SLC19A1: variants seen among roughly 807,000 people sequenced by gnomAD.
The protein encoded by SLC19A1 is reduced folate transporter.
A neutral mutation model predicts 35.3 loss-of-function variants in SLC19A1; 37 were observed. That is an observed-to-expected ratio of 1.05 (90% CI 0.81 to 1.38). SLC19A1 has a LOEUF of 1.38. Among genes scored for constraint, SLC19A1 ranks in the 40% most tolerant of loss-of-function variants. The pLI is 0.00. For missense variants in SLC19A1, 831 were observed against 826.9 expected, an observed-to-expected ratio of 1.00 and a Z score of -0.06; for synonymous variants, 460 against 398.5, an observed-to-expected ratio of 1.15 and a Z score of -1.84.
At chr21:45,508,529 G>A (rs551959195), downstream of SLC19A1, among the ~76,000 whole-genome samples, 44 of 152,184 alleles carry the variant, frequency 2.9e-4, no homozygotes, top group Non-Finnish European at 4.7e-4. Context: ...TGGATGGGTG[G>A]GTGGATGGAT....
intron 5 of SLC19A1, among the ~76,000 whole-genome samples, chr21:45,520,784 G>A (rs1211964722): frequency 1.3e-5 from 2 of 152,320 alleles, no homozygotes; most frequent in East Asian, 1.9e-4. Flanking sequence ...ACTTTGGGAG[G>A]CTGAGGCGGG....
At position 45,513,356 on chromosome 21, in the gene SLC19A1, G is replaced by A. The variant is rs2037719408; in HGVS notation, c.*2302C>T. Reference sequence around the variant, plus strand: ...GGGCTGTCATCTGTGCACTGCCCATGGACAGGCTGGCTCCAGATGCAGGGC... The same window carrying A: ...GGGCTGTCATCTGTGCACTGCCCATAGACAGGCTGGCTCCAGATGCAGGGC... On this transcript the variant is annotated 3_prime_UTR_variant, in exon 6 of 6. Transcript: ENST00000311124. The A allele has an allele frequency of 6.6e-6, 1 of 152,326 alleles. No homozygotes were observed. Among genetic ancestry groups the A allele is most frequent in the Non-Finnish European group, 1.5e-5 (1 of 68,100 alleles). 9.4% of individuals were successfully genotyped at this position (152,326 alleles called of 1,614,324 possible).
At chr21:45,545,626 T>C (rs1374300730), upstream of SLC19A1, among the ~76,000 whole-genome samples, 1 of 150,404 alleles carries the variant, frequency 6.6e-6, no homozygotes, top group Non-Finnish European at 1.5e-5. Flanking sequence ...CCAAGACATA[T>C]GCACAGATAC....
At chr21:45,542,476 G>A (rs2078343861), upstream of SLC19A1, 1 of 150,838 alleles carries the variant, frequency 6.6e-6, no homozygotes, top group Non-Finnish European at 1.5e-5. Flanking sequence ...GCGGCTGCGG[G>A]GTGGGCGGGT....
rs755992277 is a variant in SLC19A1 at position 45,515,630 on chromosome 21, G to A, written c.*28C>T. The stretch of plus-strand genomic sequence containing the variant: ...CGTGGGGATGCACTGAGGGCCGCCT[G>A]CAAAGTTACCACAGGGGCGCCCGAG... On this transcript the variant is annotated 3_prime_UTR_variant, in exon 6 of 6. Coordinates refer to ENST00000311124, the MANE Select transcript of SLC19A1 (RefSeq NM_194255.4). 5 of 1,612,306 alleles carry A rather than the reference G, an allele frequency of 3.1e-6. No individual in the cohort carries two copies. In the Admixed American group the frequency reaches 8.3e-5, roughly 27 times the overall value.
chr21:45,523,829 G>T (rs2077511425), intron 5 of SLC19A1, among the ~76,000 whole-genome samples: 1 of 152,212 alleles, frequency 6.6e-6, no homozygotes, highest in Non-Finnish European at 1.5e-5. Flanking sequence ...GCTGTCTGGG[G>T]ACAGAGGTAA....
chr21:45,509,378 A>T, downstream of SLC19A1: 1 of 1,543,074 alleles, frequency 6.5e-7, no homozygotes. Flanking sequence ...GCCGCCTTGC[A>T]GCCCCCCGTG....
chr21:45,550,416 C>T (rs932251335), intron 1 of SLC19A1, among the ~76,000 whole-genome samples: 1 of 152,220 alleles, frequency 6.6e-6, no homozygotes, highest in Non-Finnish European at 1.5e-5. Flanking sequence ...GGCCACCTGC[C>T]ACCCCGTCCA....
intron 1 of SLC19A1, among the ~76,000 whole-genome samples, chr21:45,552,680 G>A (rs1160320038): frequency 6.7e-6 from 1 of 148,698 alleles, no homozygotes; most frequent in Non-Finnish European, 1.5e-5. Context: ...TCAGCGAAGT[G>A]GAGCGGGTCT....
chr21:45,506,620 T>G (rs1602626177), intron 3 of SLC19A1: 1 of 173,950 alleles, frequency 5.7e-6, no homozygotes, highest in Non-Finnish European at 1.3e-5. Flanking sequence ...TGAGGACGGG[T>G]AGAAGCCCCA....
chr21:45,549,993 C>T (rs929716485), intron 1 of SLC19A1, among the ~76,000 whole-genome samples: 1 of 152,064 alleles, frequency 6.6e-6, no homozygotes, highest in Non-Finnish European at 1.5e-5. Flanking sequence ...GGCTGCAGAG[C>T]CCCGAACTCT....
At chr21:45,519,658 G>A (rs1602713444) in intron 5 of SLC19A1, among the ~76,000 whole-genome samples, 4 of 150,574 alleles carry the variant, frequency 2.7e-5, no homozygotes, top group Admixed American at 2.6e-4. Flanking sequence ...ATTGACAAGA[G>A]GGTCAGTCCA....
In SLC19A1 at chr21:45,504,607, A is replaced by G. The variant is rs1402498099; in HGVS notation, c.498-5995T>C. The G allele has an allele frequency of 4.6e-6, 7 of 1,511,060 alleles. No homozygotes were observed. In the South Asian group the frequency reaches 7.2e-5, roughly 15 times the overall value. 93.6% of individuals were successfully genotyped at this position (1,511,060 alleles called of 1,614,324 possible). ...GCCCATGTCCCAGGGGTCTGGGTGC[A>G]GGAGCCGAGGGCAGGTCCAGCCCGG... On this transcript the variant is annotated intron_variant, in intron 3 of 4. Coordinates refer to the SLC19A1 transcript ENST00000417954.
chr21:45,530,767 C>G lies in SLC19A1; in HGVS notation c.1151+3G>C, dbSNP rs1408737201. On this transcript the variant is annotated splice_donor_region_variant and intron_variant, in intron 4 of 5. Transcript: ENST00000311124. This position sits in a 1 kb window ranked among gnomAD's most constrained non-coding sequence, Gnocchi z 5.3. ...CCCGGCTTCCCACCCTTCTGGAACTCACGTGGCGATGGGCACGAGGAACTG... is the reference window on the plus strand; with the variant it reads ...CCCGGCTTCCCACCCTTCTGGAACTGACGTGGCGATGGGCACGAGGAACTG... 3 of 1,554,240 alleles carry G rather than the reference C, an allele frequency of 1.9e-6. No homozygotes were observed. In the East Asian group the frequency reaches 7.2e-5, roughly 37 times the overall value.
chr21:45,536,284 AC>A (rs1211454761), intron 2 of SLC19A1: 4 of 153,676 alleles, frequency 2.6e-5, no homozygotes, highest in African/African-American at 7.2e-5. Context: ...TGCTCTAGAG[AC>A]TTTTCTTATT....
At chr21:45,547,253 C>CT (rs1377036310), upstream of SLC19A1, among the ~76,000 whole-genome samples, 1 of 152,152 alleles carries the variant, frequency 6.6e-6, no homozygotes, top group Non-Finnish European at 1.5e-5. Context: ...ATGGGGGAGA[C>CT]AGACCTTGTT....
rs200599378 is a variant in SLC19A1, at chr21:45,530,860, G to A, written c.1061C>T (p.Ala354Val). 49 of 1,493,404 alleles carry A rather than the reference G, an allele frequency of 3.3e-5. No homozygotes were observed. The highest frequency in any genetic ancestry group is 4.1e-5 in the Non-Finnish European group (46 of 1,121,486). 92.5% of individuals were successfully genotyped at this position (1,493,404 alleles called of 1,614,324 possible). A position where few individuals can be genotyped will look rare whatever the true frequency, so the allele number is the denominator to read the frequency against. Residue 354 changes from alanine (A) to valine (V), a missense_variant, in exon 4 of 6, where the codon GCG (alanine) becomes GTG (valine). Transcript: ENST00000311124. The surrounding 1 kb of genome is among the most constrained non-coding windows in gnomAD (Gnocchi z 5.3). Reference protein sequence around the residue: ...ATQAGLVFLLAHTRHPSSIWL... With the variant: ...ATQAGLVFLLVHTRHPSSIWL... Reference sequence around the variant, plus strand: ...GATGCTGCTCGGGTGGCGCGTGTGCGCCAGAAGGAAGACCAGCCCCGCCTG... The same window carrying A: ...GATGCTGCTCGGGTGGCGCGTGTGCACCAGAAGGAAGACCAGCCCCGCCTG...
chr21:45,528,043 G>A (rs1207639919), intron 4 of SLC19A1, among the ~76,000 whole-genome samples: 4 of 151,956 alleles, frequency 2.6e-5, no homozygotes, highest in Non-Finnish European at 5.9e-5. Context: ...GGGCAGAGGT[G>A]TCTGTGCTGC....
downstream of SLC19A1, among the ~76,000 whole-genome samples, chr21:45,510,946 C>CCCACACAT (rs149520091): frequency 5.2e-5 from 3 of 57,382 alleles, no homozygotes; most frequent in Non-Finnish European, 9.2e-5. Flanking sequence ...AAAACACACA[C>CCCACACAT]CCACAACACC....
Sources: allele counts gnomAD v4.1 joint callset (sites outside exome capture counted in the v4.1 genomes callset), GRCh38; gene constraint gnomAD v4.1.1; non-coding constraint Gnocchi (gnomAD v3.1); transcripts MANE v1.5; gene names NCBI Gene and HGNC (gene_info 2026-07-23, HGNC 2026-07-21).